The following PDCD11 variants were observed in gnomAD, a reference collection of about 807,000 sequenced individuals.
PDCD11 encodes the protein protein RRP5 homolog.
PDCD11 carries 97 observed loss-of-function variants against 198.9 expected under a neutral mutation model. The observed-to-expected ratio is 0.49, with a 90% CI of 0.41 to 0.58. PDCD11 has a LOEUF of 0.58. Among genes scored for constraint, PDCD11 ranks in the 20% least tolerant of loss-of-function variants. PDCD11 has a pLI of 0.00. For missense variants in PDCD11, 2,102 were observed against 2,312.7 expected, an observed-to-expected ratio of 0.91 and a Z score of 1.87; for synonymous variants, 893 against 918.0, an observed-to-expected ratio of 0.97 and a Z score of 0.49.
At chr10:103,411,163 A>C (rs1184574761) in intron 8 of PDCD11, among the ~76,000 whole-genome samples, 1 of 151,934 alleles carries the variant, frequency 6.6e-6, no homozygotes, top group African/African-American at 2.4e-5. Flanking sequence ...GGAGTCCCCC[A>C]ACCTTGGCCT....
At position 103,421,369 on chromosome 10, in the gene PDCD11, A is replaced by T; in HGVS notation, c.2299A>T (p.Thr767Ser). ...TCAGATCATGAGTGACAAATTTGTG[A>T]CCTCCACAAGTGACCACTTTGTTGA... ...PKAIMSDKFV[T>S]STSDHFVEGQ... Residue 767 changes from threonine to serine, a missense_variant, in exon 17 of 36, where the codon ACC becomes TCC. Transcript: ENST00000369797. The T allele has an allele frequency of 1.2e-6, 2 of 1,608,604 alleles. No homozygotes were observed. The highest frequency in any genetic ancestry group is 1.7e-6 in the Non-Finnish European group (2 of 1,177,422).
Position 103,439,859 on chromosome 10 carries a change from G to A in PDCD11, c.4139G>A (p.Arg1380Lys). The A allele has an allele frequency of 6.2e-7, 1 of 1,614,170 alleles. No individual in the cohort carries two copies. Among genetic ancestry groups the A allele is most frequent in the Non-Finnish European group, 8.5e-7 (1 of 1,180,030 alleles). ...HLPEGKLLTA[R>K]VLRLNHQKNL... ...CCTGAAGGGAAGCTGCTCACAGCCA[G>A]GGTCCTACGGTAGGTGCCTTCCCGT... Residue 1380 changes from arginine (R) to lysine (K), a missense_variant, in exon 28 of 36, where the codon AGG becomes AAG. Transcript: ENST00000369797.
chr10:103,417,333 G>A (rs1237413805), intron 13 of PDCD11, among the ~76,000 whole-genome samples: 1 of 152,016 alleles, frequency 6.6e-6, no homozygotes, highest in Admixed American at 6.6e-5. Flanking sequence ...CGGCATACCC[G>A]GCTAATTTTT....
intron 2 of PDCD11, among the ~76,000 whole-genome samples, chr10:103,400,099 C>T (rs1329870255): frequency 6.6e-6 from 1 of 152,136 alleles, no homozygotes; most frequent in African/African-American, 2.4e-5. Flanking sequence ...TTCTACATTG[C>T]TTCTCAAACT....
In PDCD11 at chr10:103,396,708, T is replaced by C. The variant is rs560794414; in HGVS notation, c.-34T>C. The C allele has an allele frequency of 6.6e-6, 1 of 152,654 alleles. No homozygotes were observed. Among genetic ancestry groups the C allele is most frequent in the South Asian group, 2.1e-4 (1 of 4,838 alleles). 9.5% of individuals were successfully genotyped at this position (152,654 alleles called of 1,614,324 possible). ...ACCGCGGCGCGAGGTTAGTGGTAGC[T>C]GGGTGCAGACGCCGTGGCGCTGGTG... On this transcript the variant is annotated 5_prime_UTR_variant, in exon 1 of 36. Coordinates refer to ENST00000369797, the MANE Select transcript of PDCD11 (RefSeq NM_014976.2).
intron 21 of PDCD11, among the ~76,000 whole-genome samples, chr10:103,430,178 A>G (rs1033805194): frequency 2.0e-5 from 3 of 152,058 alleles, no homozygotes; most frequent in African/African-American, 7.2e-5. Context: ...TTTTTTGTAA[A>G]GACTGGGTTT....
chr10:103,441,868 T>A lies in PDCD11; in HGVS notation c.4600T>A (p.Ser1534Thr). ...KPAEAPRLQLSSGFAWNVGLD... is the reference protein window; with the variant it reads ...KPAEAPRLQLTSGFAWNVGLD... ...AGCAGAAGCGCCCCGGCTGCAGCTG[T>A]CTTCAGGCTTCGCTTGGAATGTGGG... The change falls in exon 31 of 36, where the codon TCT becomes ACT. Residue 1534 changes from serine (S) to threonine (T), a missense_variant. Transcript: ENST00000369797. The A allele has an allele frequency of 6.2e-7, 1 of 1,614,200 alleles. No individual in the cohort carries two copies. The highest frequency in any genetic ancestry group is 8.5e-7 in the Non-Finnish European group (1 of 1,180,014).
intron 8 of PDCD11, among the ~76,000 whole-genome samples, chr10:103,411,554 A>C (rs996507836): frequency 6.6e-6 from 1 of 151,796 alleles, no homozygotes. Context: ...TTTTATAGAG[A>C]TGGGGTCTCG....
chr10:103,420,853 T>TTTG (rs137965347), intron 16 of PDCD11, among the ~76,000 whole-genome samples: 1 of 151,618 alleles, frequency 6.6e-6, no homozygotes, highest in African/African-American at 2.4e-5. Flanking sequence ...CTCTGTTTTT[T>TTTG]TTGTTGTTGT....
At position 103,416,583 on chromosome 10, in the gene PDCD11, C is replaced by T. The variant is rs781120908; in HGVS notation, c.1611C>T (p.Ala537=). ...ESKLPVITCY[A]DAKPGLQTHG... ...AACTACCTGTCATTACCTGCTATGC[C>T]GATGCCAAGCCTGGTCTGCAGACAC... The change falls in exon 13 of 36, where the codon GCC becomes GCT. Residue 537 remains alanine (A), a synonymous_variant. Transcript: ENST00000369797. 5.0e-6 allele frequency: 8 copies of T among 1,614,058 alleles called. No individual in the cohort carries two copies. The East Asian group carries it at 6.7e-5, about 13-fold the overall frequency.
Position 103,443,271 on chromosome 10 carries a change from A to C in PDCD11, c.5062A>C (p.Asn1688His). The change falls in exon 33 of 36, where the codon AAC becomes CAC. Residue 1688 changes from asparagine (N) to histidine (H), a missense_variant. Physicochemically the swap from Asn to His is moderately conservative, Grantham distance 68. Transcript: ENST00000369797. The stretch of plus-strand genomic sequence containing the variant: ...GGTCTTTGAGCGAGCCGTGCAGTAC[A>C]ACGAGCCTCTCAAAGTCTTTCTCCA... ...TKVFERAVQY[N>H]EPLKVFLHLA... The C allele has an allele frequency of 1.9e-6, 3 of 1,612,914 alleles. No homozygotes were observed. The highest frequency in any genetic ancestry group is 2.5e-6 in the Non-Finnish European group (3 of 1,179,046).
At chr10:103,410,861 G>A (rs1213472351) in intron 8 of PDCD11, among the ~76,000 whole-genome samples, 1 of 151,720 alleles carries the variant, frequency 6.6e-6, no homozygotes, top group African/African-American at 2.4e-5. Flanking sequence ...GGATCACAAG[G>A]TCAGGAGTTC....
rs769737297 is a variant in PDCD11 at position 103,444,107 on chromosome 10, C to T, written c.5278+39C>T. 7.0e-6 allele frequency: 11 copies of T among 1,573,888 alleles called. No homozygotes were observed. In the African/African-American group the frequency reaches 1.5e-4, roughly 21 times the overall value. On this transcript the variant is annotated intron_variant, in intron 34 of 35. Coordinates refer to ENST00000369797, the MANE Select transcript of PDCD11 (RefSeq NM_014976.2). ...CCCAGCTCCTGAGCCCATGAGCACT[C>T]CAGGATCGGGGAGTAGGAACTGGCT...
intron 4 of PDCD11, 29 bp from the exon 5 acceptor site, chr10:103,404,993 A>G: frequency 2.5e-6 from 4 of 1,608,984 alleles, no homozygotes; most frequent in South Asian, 2.2e-5. Context: ...AAGGGTGTAT[A>G]TCAGGTCTTT....
At position 103,433,940 on chromosome 10, in the gene PDCD11, T is replaced by C. The variant is rs746236650; in HGVS notation, c.3475-8T>C. 6.2e-7 allele frequency: 1 copy of C among 1,609,484 alleles called. No homozygotes were observed. The highest frequency in any genetic ancestry group is 8.5e-7 in the Non-Finnish European group (1 of 1,175,896). ...TTTGCCCTACTCTGGTTCCTTTTTTTCCCTCAGTACAATGTGGTGAAGAAA... is the reference window on the plus strand; with the variant it reads ...TTTGCCCTACTCTGGTTCCTTTTTTCCCCTCAGTACAATGTGGTGAAGAAA... On this transcript the variant is annotated splice_region_variant and splice_polypyrimidine_tract_variant and intron_variant, in intron 22 of 35. Coordinates refer to ENST00000369797, the MANE Select transcript of PDCD11 (RefSeq NM_014976.2).
At chr10:103,415,625 G>A (rs958068080) in intron 12 of PDCD11, among the ~76,000 whole-genome samples, 2 of 152,190 alleles carry the variant, frequency 1.3e-5, no homozygotes, top group African/African-American at 4.8e-5. Flanking sequence ...TTAAAGCTTC[G>A]GAAAGCCAAC....
Position 103,409,682 on chromosome 10 carries a change from G to C in PDCD11, c.871-17G>C. The C allele has an allele frequency of 3.8e-6, 6 of 1,588,740 alleles. No individual in the cohort carries two copies. Among genetic ancestry groups the C allele is most frequent in the East Asian group, 2.2e-5 (1 of 44,738 alleles). Reference sequence around the variant, plus strand: ...TTCAAAGAACTTTTTTTTATAACTTGTTCTGTTTATTTCTAGGTGACTCCA... The same window carrying C: ...TTCAAAGAACTTTTTTTTATAACTTCTTCTGTTTATTTCTAGGTGACTCCA... On this transcript the variant is annotated splice_polypyrimidine_tract_variant and intron_variant, in intron 7 of 35. Transcript: ENST00000369797.
chr10:103,442,147 C>T, intron 31 of PDCD11, 66 bp from the exon 32 acceptor site: 1 of 1,592,668 alleles, frequency 6.3e-7, no homozygotes, highest in Non-Finnish European at 8.6e-7. Flanking sequence ...CTCGTGACTT[C>T]CACCACAGAC....
At chr10:103,414,143 C>T in intron 10 of PDCD11, 53 bp downstream of exon 10, 3 of 1,586,338 alleles carry the variant, frequency 1.9e-6, no homozygotes, top group South Asian at 2.3e-5. Flanking sequence ...TGTACATGTT[C>T]ATATTCCATT....
Sources: allele counts gnomAD v4.1 joint callset (sites outside exome capture counted in the v4.1 genomes callset), GRCh38; gene constraint gnomAD v4.1.1; transcripts MANE v1.5; gene names NCBI Gene and HGNC (gene_info 2026-07-23, HGNC 2026-07-21).